ATP8A2: variants seen among roughly 807,000 people sequenced by gnomAD.
The protein encoded by ATP8A2 is ATPase phospholipid transporting 8A2.
Under a neutral mutation model 165.6 loss-of-function variants are expected in ATP8A2, and 100 were observed. The ratio of observed to expected loss-of-function variants is 0.60; its 90% CI spans 0.51 to 0.71. The LOEUF (loss-of-function observed/expected upper bound fraction) is 0.71. Ranked by LOEUF, ATP8A2 falls within the 30% of genes least tolerant of loss-of-function variation. ATP8A2 has a pLI of 0.00. For synonymous variants in ATP8A2, 543 were observed against 548.8 expected (o/e 0.99, Z 0.15); for missense variants, 1,227 against 1,479.5 (o/e 0.83, Z 2.80).
intron 25 of ATP8A2, among the ~76,000 whole-genome samples, chr13:25,749,446 G>A (rs2044108148): frequency 6.6e-6 from 1 of 152,154 alleles, no homozygotes; most frequent in African/African-American, 2.4e-5. Context: ...AGATGCGAGG[G>A]AGTTTGCGGT....
At chr13:25,811,189 T>A (rs1262635911) in intron 27 of ATP8A2, among the ~76,000 whole-genome samples, 1 of 152,208 alleles carries the variant, frequency 6.6e-6, no homozygotes, top group Non-Finnish European at 1.5e-5. Flanking sequence ...TGTAATCACA[T>A]GATTTAAAAT....
intron 25 of ATP8A2, among the ~76,000 whole-genome samples, chr13:25,738,824 G>GT (rs2138134059): frequency 1.3e-5 from 2 of 152,338 alleles, no homozygotes; most frequent in Admixed American, 1.3e-4. Context: ...ATCTGCATCT[G>GT]TTACAGCTGT....
intron 33 of ATP8A2, among the ~76,000 whole-genome samples, chr13:25,932,140 C>G (rs986183087): frequency 2.0e-5 from 3 of 152,010 alleles, no homozygotes; most frequent in African/African-American, 7.2e-5. Context: ...GATGGATGCT[C>G]CCCGTACAGT....
intron 1 of ATP8A2, among the ~76,000 whole-genome samples, chr13:25,407,323 G>A (rs1241686433): frequency 6.6e-6 from 1 of 152,156 alleles, no homozygotes; most frequent in Non-Finnish European, 1.5e-5. Context: ...GAAGAAAAAG[G>A]CTAATTGAAT....
At chr13:25,955,307 A>G (rs1215618140) in intron 33 of ATP8A2, among the ~76,000 whole-genome samples, 1 of 152,194 alleles carries the variant, frequency 6.6e-6, no homozygotes, top group East Asian at 1.9e-4. Context: ...AGACATGAAA[A>G]ACCCTTCAAA....
intron 27 of ATP8A2, among the ~76,000 whole-genome samples, chr13:25,792,022 T>A (rs1404851673): frequency 6.6e-6 from 1 of 152,174 alleles, no homozygotes; most frequent in East Asian, 1.9e-4. Context: ...GAACCTAAAT[T>A]GCTTAAATTA....
intron 24 of ATP8A2, among the ~76,000 whole-genome samples, chr13:25,663,056 C>T (rs1303514809): frequency 6.6e-6 from 1 of 152,204 alleles, no homozygotes; most frequent in Non-Finnish European, 1.5e-5. Flanking sequence ...GGCACCTGCA[C>T]AGGCATCTGA....
intron 33 of ATP8A2, among the ~76,000 whole-genome samples, chr13:25,872,379 G>A (rs890168357): frequency 1.3e-5 from 2 of 152,160 alleles, no homozygotes; most frequent in African/African-American, 4.8e-5. Flanking sequence ...GGTGCACTGA[G>A]AGCCATCAGC....
Position 25,414,103 on chromosome 13 carries a change from G to A in ATP8A2, c.76+41815G>A, listed in dbSNP as rs117223139. On this transcript the variant is annotated intron_variant, in intron 1 of 36. Coordinates refer to ENST00000381655, the MANE Select transcript of ATP8A2 (RefSeq NM_016529.6). ...AGATTAGGAAACCGGGACCCACAGAGACCAGATGACTTGTCAATAACTAGA... is the reference window on the plus strand; with the variant it reads ...AGATTAGGAAACCGGGACCCACAGAAACCAGATGACTTGTCAATAACTAGA... Among the ~76,000 whole-genome samples, 807 of 151,706 alleles carry A rather than the reference G, an allele frequency of 5.3e-3. 4 individuals carry two copies. The highest frequency in any genetic ancestry group is 8.4e-3 in the Non-Finnish European group (571 of 67,944).
At chr13:25,609,940 C>T (rs187177459) in intron 24 of ATP8A2, among the ~76,000 whole-genome samples, 2 of 151,996 alleles carry the variant, frequency 1.3e-5, no homozygotes, top group East Asian at 1.9e-4. Context: ...CTATCCATGT[C>T]CTTAGCCCAC....
intron 25 of ATP8A2, among the ~76,000 whole-genome samples, chr13:25,722,764 G>GTCTT (rs1274419507): frequency 6.6e-6 from 1 of 152,154 alleles, no homozygotes; most frequent in Non-Finnish European, 1.5e-5. Context: ...AAGACACTCA[G>GTCTT]TCTTTTCAAG....
chr13:25,800,357 A>G (rs201686949), intron 27 of ATP8A2, among the ~76,000 whole-genome samples: 1 of 152,256 alleles, frequency 6.6e-6, no homozygotes, highest in Non-Finnish European at 1.5e-5. Flanking sequence ...ACACAGTTAC[A>G]TGATTATAAA....
chr13:25,975,438 C>T (rs1434505601), intron 35 of ATP8A2, among the ~76,000 whole-genome samples: 6 of 151,712 alleles, frequency 4.0e-5, no homozygotes, highest in Non-Finnish European at 8.8e-5. Flanking sequence ...AAAAATTAGC[C>T]GGGTGTGGTG....
chr13:25,785,067 C>G (rs994978097), intron 27 of ATP8A2, among the ~76,000 whole-genome samples: 3 of 149,778 alleles, frequency 2.0e-5, no homozygotes, highest in Non-Finnish European at 4.4e-5. Flanking sequence ...GCCTACATTT[C>G]TATTATATTG....
At chr13:25,685,765 T>C (rs1397528382) in intron 24 of ATP8A2, among the ~76,000 whole-genome samples, 7 of 152,132 alleles carry the variant, frequency 4.6e-5, no homozygotes, top group African/African-American at 1.7e-4. Flanking sequence ...AGAAGGCACT[T>C]GGTTCTTATT....
At chr13:25,594,885 CAT>C (rs1441113302) in intron 24 of ATP8A2, among the ~76,000 whole-genome samples, 3 of 151,964 alleles carry the variant, frequency 2.0e-5, no homozygotes, top group African/African-American at 7.3e-5. Flanking sequence ...CTTGCACACA[CAT>C]GTTTATAGCA....
At chr13:25,709,091 A>G (rs2043108787) in intron 25 of ATP8A2, among the ~76,000 whole-genome samples, 1 of 152,182 alleles carries the variant, frequency 6.6e-6, no homozygotes, top group Non-Finnish European at 1.5e-5. Context: ...AGTTTCTGAC[A>G]GGCCTGTAAG....
Position 25,529,087 on chromosome 13 carries a change from T to C in ATP8A2, c.222-912T>C, listed in dbSNP as rs1163895777. On this transcript the variant is annotated intron_variant, in intron 2 of 36. Coordinates refer to ENST00000381655, the MANE Select transcript of ATP8A2 (RefSeq NM_016529.6). The stretch of plus-strand genomic sequence containing the variant: ...TGAGAACATGTGGTGTTTGGTTTTC[T>C]GTCCTTGTGATAGTTTGCTCAGAAT... Among the ~76,000 whole-genome samples the C allele has an allele frequency of 2.0e-5, 3 of 152,314 alleles. No individual in the cohort carries two copies. In the East Asian group the frequency reaches 5.8e-4, roughly 29 times the overall value.
chr13:25,383,047 AC>A (rs2032909429), intron 1 of ATP8A2, among the ~76,000 whole-genome samples: 1 of 134,100 alleles, frequency 7.5e-6, no homozygotes, highest in Non-Finnish European at 1.6e-5. Context: ...GAGCCACCAC[AC>A]CCAGCCTTTT....
Sources: allele counts gnomAD v4.1 joint callset (sites outside exome capture counted in the v4.1 genomes callset), GRCh38; gene constraint gnomAD v4.1.1; transcripts MANE v1.5; gene names NCBI Gene and HGNC (gene_info 2026-07-23, HGNC 2026-07-21).